ELOVL2: variants seen among roughly 807,000 people sequenced by gnomAD.
ELOVL2 encodes very long chain fatty acid elongase 2.
In ELOVL2, 38 loss-of-function variants were observed where a neutral mutation model predicts 37.7. That is an observed-to-expected ratio of 1.01 (90% CI 0.78 to 1.32). The LOEUF (loss-of-function observed/expected upper bound fraction) is 1.32. Among genes scored for constraint, ELOVL2 ranks in the 40% most tolerant of loss-of-function variants. The pLI is 0.00. For missense variants in ELOVL2, 352 were observed against 363.6 expected (o/e 0.97, Z 0.26); for synonymous variants, 115 against 122.3 (o/e 0.94, Z 0.40).
intron 1 of ELOVL2, chr6:11,043,876 C>T: frequency 4.6e-6 from 1 of 215,756 alleles, no homozygotes; most frequent in Non-Finnish European, 9.1e-6. Context: ...GAATGGCCGC[C>T]GCGAAGGAGG....
At chr6:11,037,769 G>A (rs1397850509) in intron 1 of ELOVL2, among the ~76,000 whole-genome samples, 1 of 152,182 alleles carries the variant, frequency 6.6e-6, no homozygotes, top group Non-Finnish European at 1.5e-5. Context: ...ACATATGGAT[G>A]TTGTTCACAA....
rs1783168616 is a variant in ELOVL2, at chr6:11,044,180, GAGAA to G, written c.3+44_3+47del. 2.1e-6 allele frequency: 3 copies of G among 1,455,058 alleles called. No individual in the cohort carries two copies. Among genetic ancestry groups the G allele is most frequent in the Middle Eastern group, 2.5e-4 (1 of 3,962 alleles). The allele number at this position is 1,455,058 out of a possible 1,614,324, so 90.1% of individuals were successfully genotyped here. On this transcript the variant is annotated intron_variant, in intron 1 of 7. Coordinates refer to ENST00000354666, the MANE Select transcript of ELOVL2 (RefSeq NM_017770.4). The surrounding 1 kb of genome is among the most constrained non-coding windows in gnomAD (Gnocchi z 5.6). ...TCCCGCCCGGTGCGTGGGTCCAGGA[GAGAA>G]AGAAAGCGCGGCGGTGTCGGTGGCG...
intron 2 of ELOVL2, among the ~76,000 whole-genome samples, chr6:11,008,162 A>G (rs757092792): frequency 7.9e-5 from 12 of 152,084 alleles, no homozygotes; most frequent in Non-Finnish European, 1.8e-4. Context: ...TTTTAGGAAG[A>G]AAAAAGGATT....
Position 10,995,173 on chromosome 6 carries a change from G to A in ELOVL2, c.339C>T (p.Ala113=). 6.2e-7 allele frequency: 1 copy of A among 1,601,846 alleles called. No homozygotes were observed. Among genetic ancestry groups the A allele is most frequent in the Non-Finnish European group, 8.5e-7 (1 of 1,174,046 alleles). Residue 113 remains alanine, a synonymous_variant, in exon 5 of 8, where the codon GCC becomes GCT. Coordinates refer to ENST00000354666, the MANE Select transcript of ELOVL2 (RefSeq NM_017770.4). ...AGAAATAGTACCACCAAAGCACCTTGGCTACCTATAGAAATTTGTAAAGGG... is the reference window on the plus strand; with the variant it reads ...AGAAATAGTACCACCAAAGCACCTTAGCTACCTATAGAAATTTGTAAAGGG... ...TSAGEADIRV[A]KVLWWYYFSK...
chr6:11,029,340 T>C (rs1782886248), intron 1 of ELOVL2, among the ~76,000 whole-genome samples: 1 of 152,130 alleles, frequency 6.6e-6, no homozygotes, highest in African/African-American at 2.4e-5. Context: ...CTGCGTAACT[T>C]TGGGCCAAAT....
chr6:11,023,653 C>T (rs897412640), intron 1 of ELOVL2, among the ~76,000 whole-genome samples: 3 of 152,102 alleles, frequency 2.0e-5, no homozygotes, highest in African/African-American at 7.2e-5. Context: ...TTGAGCAATT[C>T]GGGTTCCATG....
intron 1 of ELOVL2, among the ~76,000 whole-genome samples, chr6:11,025,651 T>C (rs1782827635): frequency 6.6e-6 from 1 of 152,226 alleles, no homozygotes; most frequent in South Asian, 2.1e-4. Flanking sequence ...TTCAAAGCCA[T>C]ACAAATACTT....
intron 2 of ELOVL2, among the ~76,000 whole-genome samples, chr6:11,007,945 T>A (rs1782507714): frequency 6.6e-6 from 1 of 152,212 alleles, no homozygotes; most frequent in Non-Finnish European, 1.5e-5. Context: ...TAATCATAGT[T>A]GTTTTAGCCA....
At chr6:10,992,960 A>G (rs1561714180) in intron 5 of ELOVL2, among the ~76,000 whole-genome samples, 1 of 152,138 alleles carries the variant, frequency 6.6e-6, no homozygotes, top group East Asian at 1.9e-4. Context: ...TAGGAAGCTG[A>G]GGGGGGAGGA....
At position 10,983,391 on chromosome 6, in the gene ELOVL2, A is replaced by G. The variant is rs1036104818; in HGVS notation, c.*390T>C. Reference sequence around the variant, plus strand: ...CATACCCTGTATTTAGAATATAATTAACATTTTGTTGTAAACATTTTAATC... The same window carrying G: ...CATACCCTGTATTTAGAATATAATTGACATTTTGTTGTAAACATTTTAATC... On this transcript the variant is annotated 3_prime_UTR_variant, in exon 8 of 8. Coordinates refer to ENST00000354666, the MANE Select transcript of ELOVL2 (RefSeq NM_017770.4). 6.4e-6 allele frequency: 1 copy of G among 156,728 alleles called. No individual in the cohort carries two copies. Among genetic ancestry groups the G allele is most frequent in the Non-Finnish European group, 1.4e-5 (1 of 70,910 alleles). 9.7% of individuals were successfully genotyped at this position (156,728 alleles called of 1,614,324 possible).
chr6:11,012,185 T>C (rs953025286), intron 1 of ELOVL2, among the ~76,000 whole-genome samples: 1 of 150,552 alleles, frequency 6.6e-6, no homozygotes, highest in Non-Finnish European at 1.5e-5. Context: ...ATGAAGATGA[T>C]GACTAACATT....
chr6:11,014,005 A>C (rs1468433682), intron 1 of ELOVL2, among the ~76,000 whole-genome samples: 1 of 151,956 alleles, frequency 6.6e-6, no homozygotes, highest in Non-Finnish European at 1.5e-5. Flanking sequence ...TTCCAGAACA[A>C]CTCCTTGCCC....
In ELOVL2 at chr6:10,983,040, G is replaced by A. The variant is rs1272865577; in HGVS notation, c.*741C>T. ...CCTAGGCTGACTGGCACAAGAGGGA[G>A]ACATGAACAGATGAATGATTAGGGA... is the stretch of plus-strand genomic sequence containing the variant. On this transcript the variant is annotated 3_prime_UTR_variant, in exon 8 of 8. Transcript: ENST00000354666. The A allele has an allele frequency of 1.3e-5, 2 of 152,176 alleles. No individual in the cohort carries two copies. Among genetic ancestry groups the A allele is most frequent in the African/African-American group, 4.8e-5 (2 of 41,434 alleles). 9.4% of individuals were successfully genotyped at this position (152,176 alleles called of 1,614,324 possible). A position where few individuals can be genotyped will look rare whatever the true frequency, so the allele number is the denominator to read the frequency against.
At position 10,982,741 on chromosome 6, in the gene ELOVL2, T is replaced by G. The variant is rs1187010087; in HGVS notation, c.*1040A>C. The G allele has an allele frequency of 6.6e-6, 1 of 152,124 alleles. No homozygotes were observed. The highest frequency in any genetic ancestry group is 2.4e-5 in the African/African-American group (1 of 41,450). 9.4% of individuals were successfully genotyped at this position (152,124 alleles called of 1,614,324 possible). ...ATCTTTCCAAGCTACTCCATCTTTTTCCTCCCAGCTTCAAAAACTTAAATA... is the reference window on the plus strand; with the variant it reads ...ATCTTTCCAAGCTACTCCATCTTTTGCCTCCCAGCTTCAAAAACTTAAATA... On this transcript the variant is annotated 3_prime_UTR_variant, in exon 8 of 8. Coordinates refer to ENST00000354666, the MANE Select transcript of ELOVL2 (RefSeq NM_017770.4).
At position 11,044,067 on chromosome 6, in the gene ELOVL2, C is replaced by A. The variant is rs1396741239; in HGVS notation, c.3+161G>T. 6.6e-6 allele frequency among the ~76,000 whole-genome samples: 1 copy of A among 151,286 alleles called. No individual in the cohort carries two copies. Among genetic ancestry groups the A allele is most frequent in the Non-Finnish European group, 1.5e-5 (1 of 67,728 alleles). ...CGGCCCAAACGCTCAGCTCCCGCTC[C>A]CCAGGCCCGCGCGGACCCGGCCCCT... On this transcript the variant is annotated intron_variant, in intron 1 of 7. Coordinates refer to ENST00000354666, the MANE Select transcript of ELOVL2 (RefSeq NM_017770.4). This position sits in a 1 kb window ranked among gnomAD's most constrained non-coding sequence, Gnocchi z 5.6.
intron 1 of ELOVL2, among the ~76,000 whole-genome samples, chr6:11,022,680 T>C (rs1020727856): frequency 1.3e-5 from 2 of 152,232 alleles, no homozygotes; most frequent in Non-Finnish European, 2.9e-5. Flanking sequence ...TTTATCTTAT[T>C]GGTTAAGCTT....
intron 5 of ELOVL2, among the ~76,000 whole-genome samples, chr6:10,991,823 T>A (rs1042381412): frequency 6.6e-6 from 1 of 152,188 alleles, no homozygotes. Flanking sequence ...CATGAGTAGT[T>A]GTTGCTTATG....
chr6:11,008,895 T>C (rs895385661), intron 2 of ELOVL2, among the ~76,000 whole-genome samples: 1 of 152,206 alleles, frequency 6.6e-6, no homozygotes, highest in African/African-American at 2.4e-5. Context: ...ACTCAAGTGA[T>C]TGTTTAAAGA....
intron 1 of ELOVL2, among the ~76,000 whole-genome samples, chr6:11,016,213 T>C: frequency 6.6e-6 from 1 of 152,260 alleles, no homozygotes; most frequent in Admixed American, 6.5e-5. Context: ...ATTTTCTGGT[T>C]TTTGGTATTT....
Sources: gnomAD v4.1 joint callset for allele counts (sites outside exome capture counted in the v4.1 genomes callset) on GRCh38, gnomAD v4.1.1 for gene constraint, Gnocchi (gnomAD v3.1) non-coding constraint, MANE v1.5 for transcripts, NCBI Gene and HGNC (gene_info 2026-07-23, HGNC 2026-07-21) for gene names.